The following PRKD1 variants were observed in gnomAD, a reference collection of about 807,000 sequenced individuals.
PRKD1 encodes the protein serine/threonine-protein kinase D1.
Under a neutral mutation model 95.9 loss-of-function variants are expected in PRKD1, and 63 were observed. The ratio of observed to expected loss-of-function variants is 0.66; its 90% confidence interval spans 0.54 to 0.81. PRKD1 has a LOEUF of 0.81. PRKD1 is among the 30% of genes least tolerant of loss of function. The pLI is 0.00. For synonymous variants in PRKD1, 425 were observed against 423.1 expected, an observed-to-expected ratio of 1.00 and a Z score of -0.05; for missense variants, 1,048 against 1,165.3, an observed-to-expected ratio of 0.90 and a Z score of 1.47.
rs191731649 is a variant in PRKD1, at chr14:29,638,625, A to G, written c.908-59T>C. ...AGAATTTGTCATAAAGAAAAGTGGT[A>G]ACCAGAAAATACTTATGTCAGATGA... On this transcript the variant is annotated intron_variant, in intron 5 of 17. Coordinates refer to ENST00000331968, the MANE Select transcript of PRKD1 (RefSeq NM_002742.3). 2.2e-5 allele frequency: 36 copies of G among 1,612,588 alleles called. No homozygotes were observed. The African/African-American group carries it at 4.0e-4, about 18-fold the overall frequency.
rs561523345 is a variant in PRKD1, at chr14:29,714,580, T to A, written c.403+10956A>T. Among the ~76,000 whole-genome samples the A allele has an allele frequency of 1.5e-3, 225 of 152,214 alleles. 1 individual carries two copies. Among genetic ancestry groups the A allele is most frequent in the African/African-American group, 4.8e-3 (201 of 41,544 alleles). On this transcript the variant is annotated intron_variant, in intron 2 of 17. Transcript: ENST00000331968. The stretch of plus-strand genomic sequence containing the variant: ...CCTCAAGGATCTAGAACTAGAAATA[T>A]CATTTGAACCAGCAATCCCATTACT...
intron 2 of PRKD1, among the ~76,000 whole-genome samples, chr14:29,675,739 T>A (rs1883124873): frequency 6.6e-6 from 1 of 151,982 alleles, no homozygotes; most frequent in African/African-American, 2.4e-5. Flanking sequence ...CAAATGTCCA[T>A]CAATGATAGA....
intron 1 of PRKD1, among the ~76,000 whole-genome samples, chr14:29,769,584 GAGAGAGAGAC>G (rs1202400557): frequency 7.9e-5 from 12 of 152,090 alleles, no homozygotes; most frequent in Middle Eastern, 3.4e-3. Context: ...AAATAAATAA[GAGAGAGAGAC>G]AGAGAGAGAC....
chr14:29,661,538 G>T (rs1484850615), intron 4 of PRKD1, among the ~76,000 whole-genome samples: 1 of 152,280 alleles, frequency 6.6e-6, no homozygotes, highest in Non-Finnish European at 1.5e-5. Context: ...AGACATGAAA[G>T]GGAACAAAGG....
chr14:29,706,312 CTT>C (rs1472420982), intron 2 of PRKD1, among the ~76,000 whole-genome samples: 1 of 152,016 alleles, frequency 6.6e-6, no homozygotes, highest in Admixed American at 6.6e-5. Context: ...CTTTTTAAGT[CTT>C]TGAATTTCAA....
intron 1 of PRKD1, among the ~76,000 whole-genome samples, chr14:29,814,800 G>A (rs530565471): frequency 2.0e-5 from 3 of 152,122 alleles, no homozygotes; most frequent in Non-Finnish European, 2.9e-5. Flanking sequence ...CTTAGCACTC[G>A]AAACTAAGCT....
chr14:29,847,902 C>G (rs1477049240), intron 1 of PRKD1, among the ~76,000 whole-genome samples: 1 of 152,072 alleles, frequency 6.6e-6, no homozygotes, highest in Non-Finnish European at 1.5e-5. Context: ...CTTTCACTCT[C>G]TCTAGGATTG....
chr14:29,651,716 A>C (rs1179168909), intron 4 of PRKD1, among the ~76,000 whole-genome samples: 1 of 151,500 alleles, frequency 6.6e-6, no homozygotes, highest in Non-Finnish European at 1.5e-5. Flanking sequence ...AACATAAGTA[A>C]CCTTTTTTTC....
At chr14:29,579,904 A>G (rs143198216) in intron 16 of PRKD1, among the ~76,000 whole-genome samples, 74 of 152,262 alleles carry the variant, frequency 4.9e-4, no homozygotes, top group African/African-American at 1.7e-3. Context: ...TTAAAAGTAT[A>G]GTTCTGTGAA....
intron 2 of PRKD1, among the ~76,000 whole-genome samples, chr14:29,723,001 GGAGAA>G (rs1427842312): frequency 6.6e-6 from 1 of 152,160 alleles, no homozygotes; most frequent in Non-Finnish European, 1.5e-5. Flanking sequence ...GGCTAGAGTA[GGAGAA>G]GAGGAGTGCT....
At chr14:29,599,529 C>T (rs1893435871) in intron 14 of PRKD1, 127 bp downstream of exon 14, 2 of 869,056 alleles carry the variant, frequency 2.3e-6, no homozygotes, top group South Asian at 1.9e-5. Context: ...AAAGCCACTA[C>T]AACCTTTTCT....
chr14:29,698,039 T>C (rs1430059849), intron 2 of PRKD1, among the ~76,000 whole-genome samples: 2 of 152,200 alleles, frequency 1.3e-5, no homozygotes, highest in East Asian at 1.9e-4. Flanking sequence ...TTACATCTTA[T>C]CTTTCAAATT....
At chr14:29,812,541 G>A (rs1392854605) in intron 1 of PRKD1, among the ~76,000 whole-genome samples, 1 of 152,154 alleles carries the variant, frequency 6.6e-6, no homozygotes, top group Non-Finnish European at 1.5e-5. Flanking sequence ...GTCTAGGGAG[G>A]CCTCAGGAAA....
chr14:29,712,426 G>T (rs1333370047), intron 2 of PRKD1, among the ~76,000 whole-genome samples: 1 of 152,090 alleles, frequency 6.6e-6, no homozygotes, highest in East Asian at 1.9e-4. Flanking sequence ...GGGTTAGCCA[G>T]AAATTTTTCA....
At chr14:29,696,139 A>G (rs1411582246) in intron 2 of PRKD1, among the ~76,000 whole-genome samples, 1 of 152,218 alleles carries the variant, frequency 6.6e-6, no homozygotes, top group East Asian at 1.9e-4. Flanking sequence ...GACTCGGGAT[A>G]GTCTAGTAAG....
intron 1 of PRKD1, among the ~76,000 whole-genome samples, chr14:29,757,102 G>A (rs1887737684): frequency 6.6e-6 from 1 of 152,112 alleles, no homozygotes; most frequent in Non-Finnish European, 1.5e-5. Flanking sequence ...TGTGTGAATG[G>A]TTCTTAATAA....
intron 4 of PRKD1, among the ~76,000 whole-genome samples, chr14:29,648,046 G>T (rs1594393287): frequency 6.6e-6 from 1 of 152,278 alleles, no homozygotes; most frequent in East Asian, 1.9e-4. Context: ...ACAGCAAGAA[G>T]AAAAACAGAA....
chr14:29,915,157 G>C (rs545848357), intron 1 of PRKD1, among the ~76,000 whole-genome samples: 1 of 152,272 alleles, frequency 6.6e-6, no homozygotes, highest in South Asian at 2.1e-4. Flanking sequence ...GAACCACAAT[G>C]ATCAATATAT....
At chr14:29,919,774 T>A (rs144546690) in intron 1 of PRKD1, among the ~76,000 whole-genome samples, 1 of 149,582 alleles carries the variant, frequency 6.7e-6, no homozygotes, top group East Asian at 1.9e-4. Flanking sequence ...AAGACCATCC[T>A]GGCAACATGG....
Sources: gnomAD v4.1 joint callset for allele counts (sites outside exome capture counted in the v4.1 genomes callset) on GRCh38, gnomAD v4.1.1 for gene constraint, MANE v1.5 for transcripts, NCBI Gene and HGNC (gene_info 2026-07-23, HGNC 2026-07-21) for gene names.